The following CTDP1 variants were observed in gnomAD, a reference collection of about 807,000 sequenced individuals.
The protein encoded by CTDP1 is RNA polymerase II subunit A C-terminal domain phosphatase.
In CTDP1, 47 loss-of-function variants were observed where a neutral mutation model predicts 91.8. The observed-to-expected ratio is 0.51, with a 90% CI of 0.41 to 0.65. CTDP1 has a LOEUF of 0.65. Ranked by LOEUF, CTDP1 falls within the 30% of genes least tolerant of loss-of-function variation. CTDP1 has a pLI of 0.00. For missense variants in CTDP1, 1,272 were observed against 1,373.7 expected (o/e 0.93, Z 1.17); for synonymous variants, 656 against 598.5 (o/e 1.10, Z -1.40).
At chr18:79,701,751 G>C (rs1271238223) in intron 4 of CTDP1, among the ~76,000 whole-genome samples, 1 of 152,182 alleles carries the variant, frequency 6.6e-6, no homozygotes, top group Non-Finnish European at 1.5e-5. Context: ...GAGTTGGGAA[G>C]ATGTCGATTC....
intron 3 of CTDP1, among the ~76,000 whole-genome samples, chr18:79,697,584 G>A (rs550589809): frequency 2.0e-5 from 3 of 152,304 alleles, no homozygotes; most frequent in African/African-American, 7.2e-5. Context: ...CCATACTGTT[G>A]AATCCAGCTT....
intron 1 of CTDP1, among the ~76,000 whole-genome samples, chr18:79,692,574 C>T (rs2085647367): frequency 1.3e-5 from 2 of 152,234 alleles, no homozygotes; most frequent in South Asian, 4.1e-4. Flanking sequence ...TTGGCAAAAT[C>T]CTCCTAGTTC....
In CTDP1 at chr18:79,714,588, C is replaced by T; in HGVS notation, c.1128C>T (p.Gly376=). ...CCCCTGGAGTGGAGCCCAGCAATGG[C>T]CTGGAGAAGCCTGCACGGGAGCTGA... ...TQAPGVEPSN[G]LEKPARELNG... is the part of the protein sequence containing the mutation. Residue 376 remains glycine (G), a synonymous_variant, in exon 8 of 13, where the codon GGC becomes GGT. Transcript: ENST00000613122. 6.2e-7 allele frequency: 1 copy of T among 1,613,080 alleles called. No individual in the cohort carries two copies. Among genetic ancestry groups the T allele is most frequent in the Non-Finnish European group, 8.5e-7 (1 of 1,180,028 alleles).
At chr18:79,698,852 C>T (rs566342405) in intron 4 of CTDP1, among the ~76,000 whole-genome samples, 8 of 152,244 alleles carry the variant, frequency 5.3e-5, no homozygotes, top group South Asian at 2.1e-4. Flanking sequence ...GGGCATCCTC[C>T]GCTGCTGAAT....
chr18:79,727,462 ATGGGAAGCGCGGCTTTCGCGGGG>A (rs1369406040), intron 10 of CTDP1, among the ~76,000 whole-genome samples: 1 of 152,004 alleles, frequency 6.6e-6, no homozygotes, highest in African/African-American at 2.4e-5. Flanking sequence ...TGTTCGTGGG[ATGGGAAGCGCGGCTTTCGCGGGG>A]TGGGAAGCGT....
rs532574820 is a variant in CTDP1 at position 79,688,706 on chromosome 18, G to A, written c.315-6519G>A. ...TGAGCCATCACTCCCAGCCACACCC[G>A]GCTAATTTTTGTATTTTTAGTAGAG... On this transcript the variant is annotated intron_variant, in intron 1 of 12. Coordinates refer to ENST00000613122, the MANE Select transcript of CTDP1 (RefSeq NM_004715.5). Among the ~76,000 whole-genome samples the A allele has an allele frequency of 2.0e-4, 31 of 151,614 alleles. 1 individual carries two copies. The highest frequency in any genetic ancestry group is 7.0e-4 in the African/African-American group (29 of 41,284).
At chr18:79,681,996 G>A (rs534752601) in intron 1 of CTDP1, among the ~76,000 whole-genome samples, 1 of 152,312 alleles carries the variant, frequency 6.6e-6, no homozygotes, top group African/African-American at 2.4e-5. Flanking sequence ...TGCAGTGGGC[G>A]TGGGTGCCAT....
intron 1 of CTDP1, among the ~76,000 whole-genome samples, chr18:79,685,835 G>C (rs1172497576): frequency 2.0e-5 from 3 of 152,152 alleles, no homozygotes; most frequent in Admixed American, 2.0e-4. Context: ...CAAGAATCTT[G>C]ATGAATTGGT....
At chr18:79,706,777 C>G (rs1056021625) in intron 5 of CTDP1, among the ~76,000 whole-genome samples, 4 of 152,220 alleles carry the variant, frequency 2.6e-5, no homozygotes, top group African/African-American at 7.2e-5. Flanking sequence ...GGTTCCTGAC[C>G]CCCAGGACTG....
chr18:79,753,884 C>A lies in CTDP1; in HGVS notation c.*94C>A. ...CCTCAGTCTCGGTCCACGCTGCTTT[C>A]TTCCCAAAGGACATGTATATTTGCA... On this transcript the variant is annotated 3_prime_UTR_variant, in exon 13 of 13. Transcript: ENST00000613122. 2 of 1,493,682 alleles carry A rather than the reference C, an allele frequency of 1.3e-6. No individual in the cohort carries two copies. Among genetic ancestry groups the A allele is most frequent in the Non-Finnish European group, 1.8e-6 (2 of 1,096,680 alleles). The allele number at this position is 1,493,682 out of a possible 1,614,324, so 92.5% of individuals were successfully genotyped here.
intron 6 of CTDP1, among the ~76,000 whole-genome samples, chr18:79,711,830 A>G (rs1042257919): frequency 3.9e-5 from 6 of 152,038 alleles, no homozygotes; most frequent in Admixed American, 3.9e-4. Flanking sequence ...ATATTCTTTT[A>G]TATGCTTTGA....
Position 79,714,581 on chromosome 18 carries a change from G to T in CTDP1, c.1121G>T (p.Ser374Ile). 6.2e-7 allele frequency: 1 copy of T among 1,613,130 alleles called. No homozygotes were observed. Among genetic ancestry groups the T allele is most frequent in the Non-Finnish European group, 8.5e-7 (1 of 1,180,032 alleles). ...ACGCAGGCCCCTGGAGTGGAGCCCA[G>T]CAATGGCCTGGAGAAGCCTGCACGG... Reference protein sequence around the residue: ...GVTQAPGVEPSNGLEKPAREL... With the variant: ...GVTQAPGVEPINGLEKPAREL... The change falls in exon 8 of 13, where the codon AGC becomes ATC. Residue 374 changes from serine (S) to isoleucine (I), a missense_variant. Ser to Ile is a moderately radical substitution (Grantham distance 142). Around this residue, in one of 3 missense-constraint regions of CTDP1, gnomAD observed 881 missense variants for 911.6 expected, o/e 0.97. Transcript: ENST00000613122.
At chr18:79,701,392 C>T (rs1599224973) in intron 4 of CTDP1, among the ~76,000 whole-genome samples, 1 of 152,026 alleles carries the variant, frequency 6.6e-6, no homozygotes, top group South Asian at 2.1e-4. Context: ...TGCCTGTAGT[C>T]CCAGCTACTC....
At chr18:79,738,797 C>G (rs908780817) in intron 12 of CTDP1, among the ~76,000 whole-genome samples, 7 of 152,244 alleles carry the variant, frequency 4.6e-5, no homozygotes, top group African/African-American at 1.7e-4. Context: ...TGCAGCTTCT[C>G]TCCTGGCAAC....
chr18:79,686,616 T>G (rs2085499610), intron 1 of CTDP1, among the ~76,000 whole-genome samples: 2 of 152,246 alleles, frequency 1.3e-5, no homozygotes, highest in South Asian at 4.1e-4. Context: ...TTTGTAACAT[T>G]TTTGAAGTAG....
rs1054052013 is a variant in CTDP1 at position 79,696,046 on chromosome 18, G to C, written c.468G>C (p.Val156=). 1.2e-6 allele frequency: 2 copies of C among 1,612,124 alleles called. No homozygotes were observed. The highest frequency in any genetic ancestry group is 1.3e-5 in the African/African-American group (1 of 74,944). ...CGACCGTGTCCATGGTGCACAGCGT[G>C]CCGGAGTTGATGGTGAGCTCCGAGG... The part of the protein sequence containing the change: ...STATVSMVHS[V]PELMVSSEQA... Residue 156 remains valine (V), a synonymous_variant, in exon 3 of 13, where the codon GTG becomes GTC. Coordinates refer to ENST00000613122, the MANE Select transcript of CTDP1 (RefSeq NM_004715.5).
chr18:79,704,170 TGG>T (rs1375369390), intron 4 of CTDP1, among the ~76,000 whole-genome samples: 2 of 152,108 alleles, frequency 1.3e-5, no homozygotes, highest in African/African-American at 4.8e-5. Context: ...ACCGCGTGCA[TGG>T]AAACTACTTA....
rs2086122146 is a variant in CTDP1, at chr18:79,713,416, C to T, written c.1030+278C>T. 6.6e-6 allele frequency among the ~76,000 whole-genome samples: 1 copy of T among 152,192 alleles called. No homozygotes were observed. The highest frequency in any genetic ancestry group is 2.1e-4 in the South Asian group (1 of 4,828). The stretch of plus-strand genomic sequence containing the variant: ...TTAACCTAACACATCCGAATAACTC[C>T]CTTCATCCCAGTTTTCCTTAAACAC... On this transcript the variant is annotated intron_variant, in intron 7 of 12. Transcript: ENST00000613122. This position sits in a 1 kb window ranked among gnomAD's most constrained non-coding sequence, Gnocchi z 4.7.
upstream of CTDP1, among the ~76,000 whole-genome samples, chr18:79,676,820 A>G (rs1422609149): frequency 2.6e-5 from 4 of 152,192 alleles, no homozygotes; most frequent in Non-Finnish European, 5.9e-5. Context: ...AAATGTTTCA[A>G]TCTGTTGATA....
Sources: allele counts gnomAD v4.1 joint callset (sites outside exome capture counted in the v4.1 genomes callset), GRCh38; gene constraint gnomAD v4.1.1; regional missense constraint gnomAD v4.1.1; non-coding constraint Gnocchi (gnomAD v3.1); transcripts MANE v1.5; gene names NCBI Gene and HGNC (gene_info 2026-07-23, HGNC 2026-07-21).